Variants in BCOR observed in about 807,000 individuals in gnomAD.
BCOR encodes BCL-6 corepressor.
Under a neutral mutation model 86.7 loss-of-function variants are expected in BCOR, and 10 were observed. The ratio of observed to expected loss-of-function variants is 0.12; its 90% CI spans 0.07 to 0.20. The LOEUF is 0.20. Ranked by LOEUF, BCOR falls within the 10% of genes least tolerant of loss-of-function variation. The pLI is 1.00. For synonymous variants in BCOR, 611 were observed against 609.0 expected (o/e 1.00, Z -0.05); for missense variants, 1,259 against 1,452.1 (o/e 0.87, Z 2.16).
chrX:40,145,794 C>T (rs1046024301), intron 1 of BCOR, among the ~76,000 whole-genome samples: 1 of 111,723 alleles, frequency 9.0e-6, no homozygotes, highest in Admixed American at 9.4e-5. Flanking sequence ...TGTGCGTTTC[C>T]CGCCCTCCCC....
In BCOR at chrX:40,129,354, C is replaced by G. The variant is rs986362713; in HGVS notation, c.-41+47653G>C. 2.7e-5 allele frequency among the ~76,000 whole-genome samples: 3 copies of G among 110,820 alleles called. No homozygotes were observed. In the East Asian group the frequency reaches 8.5e-4, roughly 31 times the overall value. On this transcript the variant is annotated intron_variant, in intron 1 of 14. Coordinates refer to the BCOR transcript ENST00000342274. ...CAAAAATTAGCTGGGTATGTTGGCA[C>G]GTGCCTGTAGTCCCAGCTACTCGGG...
intron 1 of BCOR, among the ~76,000 whole-genome samples, chrX:40,144,185 C>G (rs1397443135): frequency 1.8e-5 from 2 of 111,906 alleles, no homozygotes; most frequent in African/African-American, 6.5e-5. Flanking sequence ...TGCACAACAC[C>G]AGAGTCTTCA....
chrX:40,166,659 G>A (rs1938512834), intron 1 of BCOR, among the ~76,000 whole-genome samples: 1 of 112,590 alleles, frequency 8.9e-6, no homozygotes, highest in African/African-American at 3.2e-5. Flanking sequence ...CCAACGCTGA[G>A]CAGGCTGGTA....
intron 6 of BCOR, among the ~76,000 whole-genome samples, chrX:40,064,943 G>A (rs1275194902): frequency 8.9e-6 from 1 of 112,360 alleles, no homozygotes; most frequent in Non-Finnish European, 1.9e-5. Flanking sequence ...TTCAGCAGAA[G>A]ATGCAACCAA....
intron 1 of BCOR, among the ~76,000 whole-genome samples, chrX:40,081,798 A>G (rs181685097): frequency 3.4e-4 from 38 of 112,466 alleles, no homozygotes; most frequent in African/African-American, 1.2e-3. Context: ...ATGGAGAGGA[A>G]AGACAGCTGA....
rs1008373869 is a variant in BCOR at position 40,076,383 on chromosome X, C to A, written c.165+71G>T. The A allele has an allele frequency of 3.8e-5, 34 of 897,190 alleles. 1 individual carries two copies. Among genetic ancestry groups the A allele is most frequent in the Non-Finnish European group, 5.5e-5 (34 of 617,695 alleles). 73.9% of individuals were successfully genotyped at this position (897,190 alleles called of 1,213,427 possible). A position where few individuals can be genotyped will look rare whatever the true frequency, so the allele number is the denominator to read the frequency against. On this transcript the variant is annotated intron_variant, in intron 3 of 14. Coordinates refer to ENST00000378444, the MANE Select transcript of BCOR (RefSeq NM_001123385.2). ...CCATTCCCCACCCTTTAAGGGCATGCAAATTAATACGATTGATTACAGATC... is the reference window on the plus strand; with the variant it reads ...CCATTCCCCACCCTTTAAGGGCATGAAAATTAATACGATTGATTACAGATC...
chrX:40,073,137 T>C lies in BCOR; in HGVS notation c.2209A>G (p.Ile737Val). ...PMLIPHTPIE[I>V]TKEEKPERRS... Reference sequence around the variant, plus strand: ...CTCTCTGGTTTCTCCTCTTTAGTAATCTCTATGGGCGTGTGTGGTATCAAC... The same window carrying C: ...CTCTCTGGTTTCTCCTCTTTAGTAACCTCTATGGGCGTGTGTGGTATCAAC... The change falls in exon 4 of 15, where the codon ATT becomes GTT. Residue 737 changes from isoleucine (I) to valine (V), a missense_variant. Coordinates refer to ENST00000378444, the MANE Select transcript of BCOR (RefSeq NM_001123385.2). 3 of 1,211,891 alleles carry C rather than the reference T, an allele frequency of 2.5e-6. No homozygotes were observed. Among genetic ancestry groups the C allele is most frequent in the Non-Finnish European group, 3.3e-6 (3 of 895,530 alleles).
At chrX:40,098,485 C>T (rs1936998654), upstream of BCOR, among the ~76,000 whole-genome samples, 1 of 111,592 alleles carries the variant, frequency 9.0e-6, no homozygotes, top group African/African-American at 3.3e-5. Context: ...GCGGCGGGGG[C>T]GGCTCTCCCA....
In BCOR at chrX:40,062,753, T is replaced by G. The variant is rs775698427; in HGVS notation, c.4166A>C (p.Asp1389Ala). The G allele has an allele frequency of 8.3e-7, 1 of 1,207,685 alleles. No homozygotes were observed. Among genetic ancestry groups the G allele is most frequent in the African/African-American group, 1.8e-5 (1 of 56,963 alleles). The change falls in exon 9 of 15, where the codon GAT (aspartate) becomes GCT (alanine). Residue 1389 changes from aspartate (D) to alanine (A), a missense_variant. Physicochemically the swap from Asp to Ala is moderately radical, Grantham distance 126. Coordinates refer to ENST00000378444, the MANE Select transcript of BCOR (RefSeq NM_001123385.2). The part of the protein sequence containing the change: ...LTGEYYVENA[D>A]GKVTVRRFRK... ...GCCGGGGTCAAGAGGTACCTTGCCA[T>G]CGGCATTCTCCACGTAGTATTCCCC...
chrX:40,139,867 G>A (rs897939876), intron 1 of BCOR, among the ~76,000 whole-genome samples: 1 of 109,125 alleles, frequency 9.2e-6, no homozygotes, highest in Non-Finnish European at 1.9e-5. Flanking sequence ...GCAATAAACT[G>A]GGAGCACTGG....
At chrX:40,168,079 C>A (rs942320486) in intron 1 of BCOR, among the ~76,000 whole-genome samples, 38 of 112,940 alleles carry the variant, frequency 3.4e-4, no homozygotes, top group African/African-American at 9.0e-4. Flanking sequence ...GTCATCGGAA[C>A]GCACACACAG....
At chrX:40,086,103 A>T (rs1466157374) in intron 1 of BCOR, among the ~76,000 whole-genome samples, 1 of 111,230 alleles carries the variant, frequency 9.0e-6, no homozygotes, top group East Asian at 2.8e-4. Flanking sequence ...GTGGGTAATC[A>T]AAAGCCAATC....
Position 40,074,597 on chromosome X carries a change from G to C in BCOR, c.749C>G (p.Pro250Arg). ...TGGGATGTGGGGACCGACGTAGTGA[G>C]GTGGCGGCAGGTAGAGAAAGCGCTC... ...NGERFLYLPPPHYVGPHIPSS... is the reference protein window; with the variant it reads ...NGERFLYLPPRHYVGPHIPSS... Residue 250 changes from proline (P) to arginine (R), a missense_variant, in exon 4 of 15, where the codon CCT becomes CGT. Transcript: ENST00000378444. The C allele has an allele frequency of 1.6e-6, 2 of 1,212,218 alleles. No homozygotes were observed. Among genetic ancestry groups the C allele is most frequent in the Non-Finnish European group, 2.2e-6 (2 of 895,519 alleles).
intron 6 of BCOR, among the ~76,000 whole-genome samples, chrX:40,065,389 G>A (rs986743574): frequency 1.8e-5 from 2 of 112,871 alleles, no homozygotes; most frequent in Non-Finnish European, 3.8e-5. Flanking sequence ...CAACACAAAG[G>A]GACCCCCTTG....
Position 40,097,757 on chromosome X carries a change from T to C in BCOR, c.-583A>G, listed in dbSNP as rs1163243328. ...GTGTGTGTGAGTGTTGGCCAAGTCG[T>C]CCCTGCGCGGCGACAGCGCGGCTTG... is the stretch of plus-strand genomic sequence containing the variant. On this transcript the variant is annotated 5_prime_UTR_variant, in exon 1 of 15. Transcript: ENST00000378444. Among the ~76,000 whole-genome samples, 1 of 110,409 alleles carries C rather than the reference T, an allele frequency of 9.1e-6. No individual in the cohort carries two copies. Among genetic ancestry groups the C allele is most frequent in the Non-Finnish European group, 1.9e-5 (1 of 52,358 alleles).
At position 40,097,540 on chromosome X, in the gene BCOR, G is replaced by C. The variant is rs1936953202; in HGVS notation, c.-366C>G. ...GGTGGGCTCTGGGCCGGGTGGGGGC[G>C]GGGCGGGGCGGGCTCGGGGCCTCCG... On this transcript the variant is annotated 5_prime_UTR_variant, in exon 1 of 15. Coordinates refer to ENST00000378444, the MANE Select transcript of BCOR (RefSeq NM_001123385.2). 9.2e-6 allele frequency: 1 copy of C among 109,006 alleles called. No individual in the cohort carries two copies. The highest frequency in any genetic ancestry group is 3.3e-5 in the African/African-American group (1 of 30,187). The allele number at this position is 109,006 out of a possible 1,213,427, so 9.0% of individuals were successfully genotyped here.
At chrX:40,126,229 AAAAG>A (rs1474447560) in intron 1 of BCOR, among the ~76,000 whole-genome samples, 2 of 104,279 alleles carry the variant, frequency 1.9e-5, no homozygotes, top group African/African-American at 3.5e-5. Context: ...AAAAAAAAAA[AAAAG>A]AATCATCTGG....
chrX:40,066,814 C>G (rs951437812), intron 6 of BCOR, among the ~76,000 whole-genome samples: 1 of 109,986 alleles, frequency 9.1e-6, no homozygotes, highest in East Asian at 2.9e-4. Flanking sequence ...GCAGAGGTGA[C>G]TAGGTAATGT....
intron 1 of BCOR, among the ~76,000 whole-genome samples, chrX:40,112,649 C>T (rs1380977163): frequency 9.0e-6 from 1 of 111,363 alleles, no homozygotes; most frequent in Non-Finnish European, 1.9e-5. Flanking sequence ...CTCCTGACCT[C>T]AAGTAATCCA....
Sources: allele counts gnomAD v4.1 joint callset (sites outside exome capture counted in the v4.1 genomes callset), GRCh38; gene constraint gnomAD v4.1.1; transcripts MANE v1.5; gene names NCBI Gene and HGNC (gene_info 2026-07-23, HGNC 2026-07-21).